MAD1L1: variants seen among roughly 807,000 people sequenced by gnomAD.
MAD1L1 encodes the protein mitotic arrest deficient 1 like 1, also known as mitotic spindle assembly checkpoint protein MAD1.
In MAD1L1, 95 loss-of-function variants were observed where a neutral mutation model predicts 96.9. The ratio of observed to expected loss-of-function variants is 0.98; its 90% CI spans 0.83 to 1.16. The LOEUF (loss-of-function observed/expected upper bound fraction) is 1.16, where lower values mean the gene tolerates loss of function less well. Among genes scored for constraint, MAD1L1 ranks in the 50% most tolerant of loss-of-function variants. The pLI, the probability that MAD1L1 is intolerant of heterozygous loss-of-function variation, is 0.00. For missense variants in MAD1L1, 1,007 were observed against 954.4 expected, an observed-to-expected ratio of 1.06 and a Z score of -0.73; for synonymous variants, 473 against 396.6, an observed-to-expected ratio of 1.19 and a Z score of -2.29.
At chr7:1,932,504 G>C (rs1000713341) in intron 17 of MAD1L1, among the ~76,000 whole-genome samples, 1 of 152,234 alleles carries the variant, frequency 6.6e-6, no homozygotes. Flanking sequence ...TGGGGCTGGG[G>C]GGCTATGAGA....
At chr7:2,051,185 C>T (rs1264370036) in intron 12 of MAD1L1, among the ~76,000 whole-genome samples, 2 of 152,196 alleles carry the variant, frequency 1.3e-5, no homozygotes, top group East Asian at 1.9e-4. Context: ...ACCCTGCAGG[C>T]CCTGCTTGTG....
rs557032715 is a variant in MAD1L1, at chr7:2,116,675, C to T, written c.1073+32477G>A. Among the ~76,000 whole-genome samples, 4 of 151,940 alleles carry T rather than the reference C, an allele frequency of 2.6e-5. No individual in the cohort carries two copies. The East Asian group carries it at 5.8e-4, about 22-fold the overall frequency. Reference sequence around the variant, plus strand: ...ACTGTTGCAGGGGGCCCAGGTCCATCGGACTGGAGCAGAAAAACCAGAGAA... The same window carrying T: ...ACTGTTGCAGGGGGCCCAGGTCCATTGGACTGGAGCAGAAAAACCAGAGAA... On this transcript the variant is annotated intron_variant, in intron 11 of 18. Transcript: ENST00000265854.
chr7:1,883,546 C>T (rs748179455), intron 18 of MAD1L1, among the ~76,000 whole-genome samples: 5 of 152,224 alleles, frequency 3.3e-5, no homozygotes, highest in South Asian at 2.1e-4. Context: ...CGGAGACCCT[C>T]GCTGACTTCA....
At chr7:1,826,623 A>G (rs945486519) in intron 18 of MAD1L1, among the ~76,000 whole-genome samples, 3 of 152,204 alleles carry the variant, frequency 2.0e-5, no homozygotes, top group African/African-American at 7.2e-5. Flanking sequence ...AGCCGGGCCC[A>G]AAAGAGGCCT....
intron 10 of MAD1L1, among the ~76,000 whole-genome samples, chr7:2,170,931 C>T (rs1466858127): frequency 6.6e-6 from 1 of 152,212 alleles, no homozygotes; most frequent in Non-Finnish European, 1.5e-5. Flanking sequence ...CAGTTAAACA[C>T]AGGCAGAAAC....
chr7:2,213,397 G>A, intron 9 of MAD1L1, 124 bp from the exon 10 acceptor site: 1 of 863,300 alleles, frequency 1.2e-6, no homozygotes, highest in Middle Eastern at 2.2e-4. Context: ...TCATCTCTGA[G>A]CTGGGCGCTA....
chr7:1,900,908 G>A lies in MAD1L1; in HGVS notation c.1808-2518C>T, dbSNP rs533028216. On this transcript the variant is annotated intron_variant, in intron 17 of 18. Transcript: ENST00000265854. ...GCAGGTTGGTATGAGGTCCCAGGGC[G>A]AGGAAGGCAGTGTGTGGGGCCCCCT... 6.8e-4 allele frequency among the ~76,000 whole-genome samples: 104 copies of A among 152,290 alleles called. 3 individuals carry two copies. The South Asian group carries it at 0.02, about 30-fold the overall frequency.
chr7:2,187,863 G>T (rs1023628665), intron 10 of MAD1L1, among the ~76,000 whole-genome samples: 1 of 152,140 alleles, frequency 6.6e-6, no homozygotes, highest in Non-Finnish European at 1.5e-5. Flanking sequence ...TCTCAAAAAC[G>T]AATTAAATAA....
intron 16 of MAD1L1, among the ~76,000 whole-genome samples, chr7:1,937,135 C>G (rs890679579): frequency 2.0e-5 from 3 of 152,236 alleles, no homozygotes; most frequent in Admixed American, 6.5e-5. Flanking sequence ...TGCTGGGTCC[C>G]TTCTGCCTAA....
intron 2 of MAD1L1, 74 bp from the exon 3 acceptor site, chr7:2,230,217 T>C: frequency 8.0e-7 from 1 of 1,257,550 alleles, no homozygotes; most frequent in Non-Finnish European, 1.1e-6. Flanking sequence ...CAGCAGAGCC[T>C]CTGGACAGCC....
rs539180523 is a variant in MAD1L1, at chr7:1,968,388, A to G, written c.1506-10669T>C. On this transcript the variant is annotated intron_variant, in intron 15 of 18. Coordinates refer to ENST00000265854, the MANE Select transcript of MAD1L1 (RefSeq NM_001013836.2). The surrounding 1 kb of genome is among the most constrained non-coding windows in gnomAD (Gnocchi z 5.6). ...AGGTCCACTGTCAATGCCTCAGTCC[A>G]GCGGTCAGGTCCACTGTCCATGCCT... Among the ~76,000 whole-genome samples the G allele has an allele frequency of 5.3e-4, 79 of 149,146 alleles. No homozygotes were observed. The highest frequency in any genetic ancestry group is 3.6e-3 in the Middle Eastern group (1 of 278).
intron 18 of MAD1L1, among the ~76,000 whole-genome samples, chr7:1,843,159 G>A (rs73046323): frequency 0.17 from 25,542 of 152,128 alleles, 2,601 homozygotes; most frequent in South Asian, 0.29. Flanking sequence ...GTGTAATTAG[G>A]GTCTGGGTGC....
chr7:1,928,684 C>T lies in MAD1L1; in HGVS notation c.1807+8003G>A, dbSNP rs1170291069. On this transcript the variant is annotated intron_variant, in intron 17 of 18. Transcript: ENST00000265854. ...TTGAACCGCTCAGCTGTCGGCATTG[C>T]ACGGTGTTTGTACTGAGCAAACAGA... Among the ~76,000 whole-genome samples, 5 of 152,266 alleles carry T rather than the reference C, an allele frequency of 3.3e-5. No individual in the cohort carries two copies. The East Asian group carries it at 9.6e-4, about 29-fold the overall frequency.
intron 10 of MAD1L1, among the ~76,000 whole-genome samples, chr7:2,204,228 A>AC (rs1792467877): frequency 6.6e-6 from 1 of 151,960 alleles, no homozygotes; most frequent in South Asian, 2.1e-4. Context: ...CTTAAACAGC[A>AC]CCCCCAGGCC....
At chr7:1,816,372 T>C in intron 18 of MAD1L1, 144 bp from the exon 19 acceptor site, 2 of 714,156 alleles carry the variant, frequency 2.8e-6, no homozygotes, top group Non-Finnish European at 4.7e-6. Context: ...TCCTCAACCC[T>C]GCCAGGCCTT....
chr7:1,870,393 C>T (rs1488651830), intron 18 of MAD1L1, among the ~76,000 whole-genome samples: 1 of 143,358 alleles, frequency 7.0e-6, no homozygotes, highest in Non-Finnish European at 1.6e-5. Context: ...CTGAACCCAC[C>T]ATAACACCTG....
intron 10 of MAD1L1, among the ~76,000 whole-genome samples, chr7:2,186,843 G>A (rs1298801717): frequency 6.6e-6 from 1 of 151,156 alleles, no homozygotes; most frequent in Non-Finnish European, 1.5e-5. Context: ...CCCCACGCTG[G>A]AGTGCAGTGG....
At chr7:2,010,070 GTTTTTTTT>G (rs56012894) in intron 13 of MAD1L1, among the ~76,000 whole-genome samples, 9 of 89,796 alleles carry the variant, frequency 1.0e-4, no homozygotes, top group Non-Finnish European at 1.7e-4. Context: ...TTTTTAACAG[GTTTTTTTT>G]TTTTTTTTTT....
chr7:2,227,102 T>A (rs887310202), intron 3 of MAD1L1, among the ~76,000 whole-genome samples: 2 of 152,004 alleles, frequency 1.3e-5, no homozygotes, highest in Non-Finnish European at 2.9e-5. Flanking sequence ...GAGACCAGCC[T>A]GGCCAACATG....
Sources: allele counts gnomAD v4.1 joint callset (sites outside exome capture counted in the v4.1 genomes callset), GRCh38; gene constraint gnomAD v4.1.1; non-coding constraint Gnocchi (gnomAD v3.1); transcripts MANE v1.5; gene names NCBI Gene and HGNC (gene_info 2026-07-23, HGNC 2026-07-21).